Variants in EXOC4 observed in about 807,000 individuals in gnomAD.
EXOC4 encodes exocyst complex component 4.
EXOC4 carries 71 observed loss-of-function variants against 107.2 expected under a neutral mutation model. That is an observed-to-expected ratio of 0.66 (90% CI 0.55 to 0.81). The LOEUF is 0.81. EXOC4 is among the 30% of genes least tolerant of loss of function. The pLI, the probability that EXOC4 is intolerant of heterozygous loss-of-function variation, is 0.00. For synonymous variants in EXOC4, 456 were observed against 441.2 expected (o/e 1.03, Z -0.42); for missense variants, 1,108 against 1,189.6 (o/e 0.93, Z 1.01).
chr7:133,746,520 A>G (rs1178681397), intron 10 of EXOC4, among the ~76,000 whole-genome samples: 1 of 152,118 alleles, frequency 6.6e-6, no homozygotes, highest in Non-Finnish European at 1.5e-5. Flanking sequence ...TTTCTGCCTA[A>G]GGCTGGGTTA....
chr7:133,265,827 G>A (rs1393356940), intron 1 of EXOC4, among the ~76,000 whole-genome samples: 1 of 152,116 alleles, frequency 6.6e-6, no homozygotes, highest in African/African-American at 2.4e-5. Context: ...CCAAAATTCA[G>A]GTGTATTACA....
intron 14 of EXOC4, among the ~76,000 whole-genome samples, chr7:133,990,665 G>A (rs951075480): frequency 2.6e-5 from 4 of 151,920 alleles, no homozygotes; most frequent in Non-Finnish European, 5.9e-5. Flanking sequence ...CATGTTGGCC[G>A]GGCTGGTCTT....
chr7:134,070,234 TAAG>T (rs1173774664), downstream of EXOC4, among the ~76,000 whole-genome samples: 5 of 152,346 alleles, frequency 3.3e-5, no homozygotes, highest in Admixed American at 3.3e-4. Context: ...ACAGTTGTTA[TAAG>T]AAGTACATAA....
At chr7:134,097,791 G>T in the EXOC4 span, among the ~76,000 whole-genome samples, 1 of 152,154 alleles carries the variant, frequency 6.6e-6, no homozygotes. Context: ...AGGTGTTACA[G>T]CTCTGGTCCA....
chr7:133,442,731 G>A (rs529912019), intron 7 of EXOC4, among the ~76,000 whole-genome samples: 10 of 152,314 alleles, frequency 6.6e-5, no homozygotes, highest in African/African-American at 2.4e-4. Flanking sequence ...TGACCACAAG[G>A]AGAAGGGATT....
At chr7:134,051,284 C>G (rs1165823434) in intron 17 of EXOC4, among the ~76,000 whole-genome samples, 4 of 152,206 alleles carry the variant, frequency 2.6e-5, no homozygotes, top group African/African-American at 9.6e-5. Context: ...GGGCCCCCAC[C>G]TGACTGGCAG....
intron 10 of EXOC4, among the ~76,000 whole-genome samples, chr7:133,633,672 C>T (rs867479404): frequency 2.1e-5 from 3 of 145,318 alleles, no homozygotes; most frequent in East Asian, 2.1e-4. Flanking sequence ...GAGCTGAGAT[C>T]GCGCCACTGC....
chr7:133,264,008 C>T (rs758880744), intron 1 of EXOC4, among the ~76,000 whole-genome samples: 10 of 152,034 alleles, frequency 6.6e-5, no homozygotes, highest in Non-Finnish European at 1.2e-4. Context: ...TTCTGAGGAA[C>T]TCACCAGAAA....
intron 1 of EXOC4, among the ~76,000 whole-genome samples, chr7:133,272,986 G>A (rs538107545): frequency 1.1e-3 from 172 of 152,260 alleles, no homozygotes; most frequent in African/African-American, 4.0e-3. Flanking sequence ...GTAGTGGAGC[G>A]GAAATCATGA....
intron 12 of EXOC4, among the ~76,000 whole-genome samples, chr7:133,915,141 G>A (rs1799777603): frequency 6.6e-6 from 1 of 152,204 alleles, no homozygotes; most frequent in African/African-American, 2.4e-5. Flanking sequence ...AATGAGAGGT[G>A]AGACAGTGAA....
At chr7:133,787,963 T>TTATATATATATATATATATA (rs1163259405) in intron 10 of EXOC4, among the ~76,000 whole-genome samples, 2 of 40,974 alleles carry the variant, frequency 4.9e-5, no homozygotes, top group Admixed American at 3.9e-4. Flanking sequence ...ATTTATATAT[T>TTATATATATATATATATATA]TATATATATA....
At chr7:133,259,968 T>A (rs1795106295) in intron 1 of EXOC4, among the ~76,000 whole-genome samples, 1 of 152,172 alleles carries the variant, frequency 6.6e-6, no homozygotes, top group South Asian at 2.1e-4. Flanking sequence ...ACTTCCAGCA[T>A]CCCAGCTGGA....
rs113760177 is a variant in EXOC4 at position 133,487,140 on chromosome 7, C to T, written c.1417+7002C>T. 1.7e-3 allele frequency among the ~76,000 whole-genome samples: 253 copies of T among 152,146 alleles called. 1 individual carries two copies. Among genetic ancestry groups the T allele is most frequent in the African/African-American group, 5.9e-3 (243 of 41,508 alleles). On this transcript the variant is annotated intron_variant, in intron 9 of 17. Transcript: ENST00000253861. ...TGCATAGCTGAACCATATGGAAGAG[C>T]CTGGAATTTATGGTAAAATGGATCT... is the stretch of plus-strand genomic sequence containing the variant.
At chr7:133,676,001 A>G (rs1056583570) in intron 10 of EXOC4, among the ~76,000 whole-genome samples, 29 of 152,058 alleles carry the variant, frequency 1.9e-4, no homozygotes, top group African/African-American at 6.5e-4. Flanking sequence ...CTATGTGGCA[A>G]TGTCGTCTGC....
intron 7 of EXOC4, among the ~76,000 whole-genome samples, chr7:133,394,437 T>C (rs1246650583): frequency 6.6e-6 from 1 of 152,222 alleles, no homozygotes; most frequent in African/African-American, 2.4e-5. Flanking sequence ...AAGTCTGTCC[T>C]TAGAATCATC....
chr7:133,855,339 A>C (rs983366935), intron 11 of EXOC4, among the ~76,000 whole-genome samples: 19 of 151,290 alleles, frequency 1.3e-4, no homozygotes, highest in Non-Finnish European at 2.4e-4. Flanking sequence ...GCAGATTTCA[A>C]CTGTACCTCT....
intron 9 of EXOC4, among the ~76,000 whole-genome samples, chr7:133,563,818 A>T (rs1174915364): frequency 6.6e-6 from 1 of 152,242 alleles, no homozygotes; most frequent in African/African-American, 2.4e-5. Flanking sequence ...TTGGGTAAAG[A>T]TAGAAATTTG....
intron 7 of EXOC4, among the ~76,000 whole-genome samples, chr7:133,430,816 A>G (rs551071208): frequency 2.0e-5 from 3 of 152,314 alleles, no homozygotes; most frequent in African/African-American, 7.2e-5. Context: ...GACATCATCT[A>G]TACTGGAATG....
At chr7:133,384,670 A>G (rs1411304384) in intron 7 of EXOC4, among the ~76,000 whole-genome samples, 1 of 151,668 alleles carries the variant, frequency 6.6e-6, no homozygotes, top group Non-Finnish European at 1.5e-5. Context: ...CCTACTTGAG[A>G]AGGTTTTAGA....
Sources: allele counts gnomAD v4.1 joint callset (sites outside exome capture counted in the v4.1 genomes callset), GRCh38; gene constraint gnomAD v4.1.1; transcripts MANE v1.5; gene names NCBI Gene and HGNC (gene_info 2026-07-23, HGNC 2026-07-21).